LHX8: variants seen among roughly 807,000 people sequenced by gnomAD.
LHX8 encodes LIM/homeobox protein Lhx8.
A neutral mutation model predicts 40.3 loss-of-function variants in LHX8; 12 were observed. The ratio of observed to expected loss-of-function variants is 0.30; its 90% CI spans 0.19 to 0.48. The LOEUF is 0.48. Among genes scored for constraint, LHX8 ranks in the 20% least tolerant of loss-of-function variants. The pLI is 0.99. For synonymous variants in LHX8, 179 were observed against 162.0 expected, an observed-to-expected ratio of 1.10 and a Z score of -0.80; for missense variants, 344 against 433.7, an observed-to-expected ratio of 0.79 and a Z score of 1.84.
the LHX8 span, among the ~76,000 whole-genome samples, chr1:75,174,175 T>A: frequency 6.6e-6 from 1 of 152,296 alleles, no homozygotes; most frequent in East Asian, 1.9e-4. Flanking sequence ...GAGACACTCA[T>A]GATTCATTTG....
At chr1:75,154,140 G>A (rs373710131) in intron 7 of LHX8, among the ~76,000 whole-genome samples, 15 of 152,292 alleles carry the variant, frequency 9.8e-5, no homozygotes, top group African/African-American at 3.1e-4. Flanking sequence ...AGGAAATTTT[G>A]TCAGTGAGGA....
At chr1:75,189,970 C>T in the LHX8 span, among the ~76,000 whole-genome samples, 2 of 152,076 alleles carry the variant, frequency 1.3e-5, no homozygotes, top group African/African-American at 4.8e-5. Context: ...TTGCAAAGGC[C>T]TCGTCAAAAT....
At chr1:75,167,298 C>CT in the LHX8 span, among the ~76,000 whole-genome samples, 1 of 152,220 alleles carries the variant, frequency 6.6e-6, no homozygotes, top group Non-Finnish European at 1.5e-5. Context: ...AATAATAGCA[C>CT]TTTTCCCAAA....
At chr1:75,149,203 G>C (rs1186400484) in intron 7 of LHX8, among the ~76,000 whole-genome samples, 3 of 152,238 alleles carry the variant, frequency 2.0e-5, no homozygotes, top group Non-Finnish European at 4.4e-5. Context: ...GATCCAGGGA[G>C]AGGAACTGGT....
At chr1:75,146,482 C>T (rs552727440) in intron 6 of LHX8, among the ~76,000 whole-genome samples, 6 of 152,206 alleles carry the variant, frequency 3.9e-5, no homozygotes, top group South Asian at 4.2e-4. Flanking sequence ...ATATTAAACA[C>T]GCCAAAGTTA....
intron 1 of LHX8, among the ~76,000 whole-genome samples, chr1:75,135,540 G>T (rs1648097365): frequency 6.6e-6 from 1 of 152,222 alleles, no homozygotes; most frequent in Admixed American, 6.5e-5. Flanking sequence ...CTTGCCTGGT[G>T]CTTCCAGAGG....
At chr1:75,180,470 A>G in the LHX8 span, among the ~76,000 whole-genome samples, 874 of 152,022 alleles carry the variant, frequency 5.7e-3, 10 homozygotes, top group African/African-American at 0.02. Context: ...CCTTTCTTCC[A>G]CTTGATTGAA....
chr1:75,188,217 C>G, the LHX8 span, among the ~76,000 whole-genome samples: 2 of 151,746 alleles, frequency 1.3e-5, no homozygotes. Flanking sequence ...GTAAAACTTT[C>G]ATTTACCTAA....
intron 4 of LHX8, among the ~76,000 whole-genome samples, chr1:75,141,457 TG>T (rs1169744224): frequency 6.6e-6 from 1 of 152,116 alleles, no homozygotes; most frequent in Non-Finnish European, 1.5e-5. Context: ...AATGGTTAGA[TG>T]AAATAAAATC....
At chr1:75,130,500 G>A (rs986055061), upstream of LHX8, 2 of 612,976 alleles carry the variant, frequency 3.3e-6, no homozygotes, top group African/African-American at 1.8e-5. Flanking sequence ...GCCCAGCTGG[G>A]AAGCCCATCA....
At position 75,160,799 on chromosome 1, in the gene LHX8, A is replaced by G. The variant is rs760167509; in HGVS notation, c.965-20A>G. 1 of 1,577,454 alleles carries G rather than the reference A, an allele frequency of 6.3e-7. No individual in the cohort carries two copies. Among genetic ancestry groups the G allele is most frequent in the Non-Finnish European group, 8.7e-7 (1 of 1,146,806 alleles). The stretch of plus-strand genomic sequence containing the variant: ...ATGCACCCTACAAAACTGATCCACA[A>G]ATTTCTTTCTATTTTGTAGCTCATT... On this transcript the variant is annotated intron_variant, in intron 8 of 8. Coordinates refer to ENST00000356261, the MANE Select transcript of LHX8 (RefSeq NM_001256114.2).
the LHX8 span, among the ~76,000 whole-genome samples, chr1:75,190,795 T>A: frequency 2.0e-5 from 3 of 152,206 alleles, no homozygotes. Flanking sequence ...TAAAAATGTC[T>A]TCATAAATAA....
At chr1:75,166,764 T>C in the LHX8 span, among the ~76,000 whole-genome samples, 1 of 152,200 alleles carries the variant, frequency 6.6e-6, no homozygotes, top group Non-Finnish European at 1.5e-5. Context: ...GGCTCCACAG[T>C]AGAGCCTAGC....
intron 1 of LHX8, among the ~76,000 whole-genome samples, chr1:75,128,768 ATAG>A (rs1647888900): frequency 1.3e-5 from 2 of 152,330 alleles, no homozygotes; most frequent in South Asian, 4.1e-4. Flanking sequence ...TTTAAATGTT[ATAG>A]ATTAACTCTC....
chr1:75,165,706 T>C (rs1247363731), downstream of LHX8, among the ~76,000 whole-genome samples: 1 of 152,192 alleles, frequency 6.6e-6, no homozygotes. Context: ...AGGGATTGAA[T>C]GAGGGTGGTA....
the LHX8 span, among the ~76,000 whole-genome samples, chr1:75,177,651 T>C: frequency 6.6e-6 from 1 of 152,206 alleles, no homozygotes; most frequent in Non-Finnish European, 1.5e-5. Flanking sequence ...CTTTTCCTAA[T>C]TGAATGCCCT....
chr1:75,185,334 A>T, the LHX8 span, among the ~76,000 whole-genome samples: 1 of 152,176 alleles, frequency 6.6e-6, no homozygotes, highest in Non-Finnish European at 1.5e-5. Flanking sequence ...CTTGATGAAC[A>T]TTGATGCAAA....
upstream of LHX8, chr1:75,130,809 T>C (rs1647942029): frequency 7.1e-7 from 1 of 1,406,484 alleles, no homozygotes; most frequent in African/African-American, 1.4e-5. Flanking sequence ...TGGTTACACG[T>C]GATGGGCAAA....
chr1:75,187,341 A>G, the LHX8 span, among the ~76,000 whole-genome samples: 1 of 152,212 alleles, frequency 6.6e-6, no homozygotes, highest in Non-Finnish European at 1.5e-5. Context: ...GCATTTGGTT[A>G]TAGGGTGTTA....
Sources: gnomAD v4.1 joint callset for allele counts (sites outside exome capture counted in the v4.1 genomes callset) on GRCh38, gnomAD v4.1.1 for gene constraint, MANE v1.5 for transcripts, NCBI Gene and HGNC (gene_info 2026-07-23, HGNC 2026-07-21) for gene names.